Variants in MBOAT2 observed in about 807,000 individuals in gnomAD.
MBOAT2 encodes membrane-bound glycerophospholipid O-acyltransferase 2.
In MBOAT2, 28 loss-of-function variants were observed where a neutral mutation model predicts 63.4. The ratio of observed to expected loss-of-function variants is 0.44; its 90% confidence interval spans 0.33 to 0.61. The LOEUF (loss-of-function observed/expected upper bound fraction) is 0.61, where lower values mean the gene tolerates loss of function less well. MBOAT2 is among the 20% of genes least tolerant of loss of function. The pLI is 0.03. For missense variants in MBOAT2, 470 were observed against 605.8 expected (o/e 0.78, Z 2.35); for synonymous variants, 211 against 215.6 (o/e 0.98, Z 0.19).
At chr2:8,886,522 T>C (rs1328429407) in intron 5 of MBOAT2, among the ~76,000 whole-genome samples, 1 of 152,182 alleles carries the variant, frequency 6.6e-6, no homozygotes, top group East Asian at 1.9e-4. Flanking sequence ...TGGTATGGGA[T>C]GTGGCAGGCC....
chr2:8,872,661 C>T (rs1466723098), intron 8 of MBOAT2, among the ~76,000 whole-genome samples: 3 of 152,184 alleles, frequency 2.0e-5, no homozygotes, highest in African/African-American at 7.2e-5. Flanking sequence ...TGATGACCCC[C>T]TATCAATGTG....
intron 4 of MBOAT2, among the ~76,000 whole-genome samples, chr2:8,899,445 G>A (rs1051047361): frequency 5.9e-5 from 9 of 152,168 alleles, no homozygotes; most frequent in African/African-American, 1.7e-4. Flanking sequence ...AGAAGGCCGC[G>A]CCAGTGTCCA....
intron 3 of MBOAT2, among the ~76,000 whole-genome samples, chr2:8,925,958 A>G (rs1666900761): frequency 6.6e-6 from 1 of 152,190 alleles, no homozygotes; most frequent in South Asian, 2.1e-4. Flanking sequence ...CAATCTTACG[A>G]AGTAAGTGTT....
At chr2:8,931,479 G>A (rs906393111) in intron 3 of MBOAT2, among the ~76,000 whole-genome samples, 17 of 152,054 alleles carry the variant, frequency 1.1e-4, no homozygotes, top group Admixed American at 2.0e-4. Context: ...TGTAGATTCC[G>A]GATATTACAC....
intron 2 of MBOAT2, among the ~76,000 whole-genome samples, chr2:8,958,289 A>C (rs956429533): frequency 3.3e-5 from 5 of 152,182 alleles, no homozygotes; most frequent in Non-Finnish European, 7.3e-5. Flanking sequence ...ATAAATAGTA[A>C]ATTTTCCTCT....
chr2:8,958,496 CCA>C lies in MBOAT2; in HGVS notation c.220_221del (p.Trp74ValfsTer48). 6.3e-7 allele frequency: 1 copy of C among 1,585,048 alleles called. No individual in the cohort carries two copies. Among genetic ancestry groups the C allele is most frequent in the East Asian group, 2.2e-5 (1 of 44,542 alleles). On this transcript the variant is annotated frameshift_variant and splice_region_variant, in exon 2 of 13. Coordinates refer to ENST00000305997, the MANE Select transcript of MBOAT2 (RefSeq NM_138799.4). LOFTEE classifies it high-confidence loss of function. ...GLYLALFCFG[W>X]YALHFLVQSG... ...TTAAAAGGATCAAAATAATTACTTA[CCA>C]TCCAAAGCAAAAAAGTGCAAGATAA...
At chr2:8,961,662 G>T (rs977066510) in intron 1 of MBOAT2, among the ~76,000 whole-genome samples, 1 of 151,950 alleles carries the variant, frequency 6.6e-6, no homozygotes, top group East Asian at 1.9e-4. Flanking sequence ...TGTAACTGGG[G>T]TAACTGGTTT....
chr2:8,860,826 ACTGGTGATATC>A (rs1661441573), intron 11 of MBOAT2, 62 bp from the exon 12 acceptor site: 3 of 1,281,656 alleles, frequency 2.3e-6, no homozygotes, highest in Non-Finnish European at 3.3e-6. Context: ...ATGCAGTTAC[ACTGGTGATATC>A]AACTGTTGGA....
rs757808251 is a variant in MBOAT2 at position 8,873,277 on chromosome 2, T to A, written c.714A>T (p.Leu238Phe). The A allele has an allele frequency of 6.2e-6, 10 of 1,613,678 alleles. No individual in the cohort carries two copies. Among genetic ancestry groups the A allele is most frequent in the Admixed American group, 3.3e-5 (2 of 59,946 alleles). Reference sequence around the variant, plus strand: ...GAAATAACAAGGACAGCCCACAAACTAAGAGCTTCTGAACAACCGCAGTCT... The same window carrying A: ...GAAATAACAAGGACAGCCCACAAACAAAGAGCTTCTGAACAACCGCAGTCT... ...SPNTAVVQKL[L>F]VCGLSLLFHL... The change falls in exon 8 of 13, where the codon TTA becomes TTT. Residue 238 changes from leucine (L) to phenylalanine (F), a missense_variant. Physicochemically the swap from Leu to Phe is conservative, Grantham distance 22. Around this residue, in one of 3 missense-constraint regions of MBOAT2, gnomAD observed 376 missense variants for 503.8 expected, o/e 0.75. Transcript: ENST00000305997.
intron 3 of MBOAT2, among the ~76,000 whole-genome samples, chr2:8,939,310 C>G (rs1238740720): frequency 1.3e-5 from 2 of 152,208 alleles, no homozygotes; most frequent in African/African-American, 4.8e-5. Flanking sequence ...CAGCTGAACC[C>G]GATGGAGGTC....
chr2:8,862,734 G>A lies in MBOAT2; in HGVS notation c.1053-12C>T. ...GTTCATAACACACCCTAGAAACCAT[G>A]AAAAACATGGAGAGCCAAGTGGAGT... On this transcript the variant is annotated splice_polypyrimidine_tract_variant and intron_variant, in intron 10 of 12. Transcript: ENST00000305997. This position sits in a 1 kb window ranked among gnomAD's most constrained non-coding sequence, Gnocchi z 4.3. The A allele has an allele frequency of 2.5e-6, 4 of 1,602,036 alleles. No homozygotes were observed. Among genetic ancestry groups the A allele is most frequent in the Non-Finnish European group, 3.4e-6 (4 of 1,176,308 alleles).
chr2:8,962,745 T>G (rs1669701786), intron 1 of MBOAT2, among the ~76,000 whole-genome samples: 1 of 151,786 alleles, frequency 6.6e-6, no homozygotes, highest in Admixed American at 6.6e-5. Flanking sequence ...AATAATTTAA[T>G]ATAAATTTTA....
chr2:8,927,623 C>T (rs906645223), intron 3 of MBOAT2, among the ~76,000 whole-genome samples: 1 of 152,020 alleles, frequency 6.6e-6, no homozygotes, highest in Non-Finnish European at 1.5e-5. Context: ...GCCGATGAGG[C>T]AAGGGAGATA....
intron 2 of MBOAT2, among the ~76,000 whole-genome samples, chr2:8,944,465 A>G (rs1269724699): frequency 1.3e-5 from 2 of 152,242 alleles, no homozygotes; most frequent in African/African-American, 4.8e-5. Flanking sequence ...GTGTTAACCT[A>G]TGATTCAAAT....
Position 8,994,332 on chromosome 2 carries a change from G to A in MBOAT2, c.75+9208C>T, listed in dbSNP as rs573691498. ...TGTTCGGAGGGCCCTAACCAACAGGGCAGCCCAGGCATTCTCTCGCAGCAC... is the reference window on the plus strand; with the variant it reads ...TGTTCGGAGGGCCCTAACCAACAGGACAGCCCAGGCATTCTCTCGCAGCAC... On this transcript the variant is annotated intron_variant, in intron 1 of 12. Coordinates refer to ENST00000305997, the MANE Select transcript of MBOAT2 (RefSeq NM_138799.4). Among the ~76,000 whole-genome samples the A allele has an allele frequency of 2.0e-5, 3 of 152,336 alleles. No individual in the cohort carries two copies. The South Asian group carries it at 6.2e-4, about 32-fold the overall frequency.
At chr2:8,909,485 T>G (rs6740823) in intron 3 of MBOAT2, among the ~76,000 whole-genome samples, 15,676 of 152,186 alleles carry the variant, frequency 0.1, 950 homozygotes, top group African/African-American at 0.17. Flanking sequence ...CAACAAATAG[T>G]AACTGTGACT....
chr2:8,898,276 C>T (rs1267442718), intron 4 of MBOAT2, among the ~76,000 whole-genome samples: 6 of 152,148 alleles, frequency 3.9e-5, no homozygotes, highest in Non-Finnish European at 8.8e-5. Context: ...TGAGTATTTG[C>T]CCTGGGTCTC....
At chr2:8,919,369 C>A (rs1185485569) in intron 3 of MBOAT2, among the ~76,000 whole-genome samples, 2 of 152,158 alleles carry the variant, frequency 1.3e-5, no homozygotes, top group Non-Finnish European at 2.9e-5. Flanking sequence ...TTCTTCATAT[C>A]CTCACTAATG....
intron 4 of MBOAT2, among the ~76,000 whole-genome samples, chr2:8,898,503 C>T (rs1040812961): frequency 2.0e-5 from 3 of 152,228 alleles, no homozygotes; most frequent in Non-Finnish European, 4.4e-5. Context: ...GCTGGGCCTT[C>T]GACCTAGACA....
Sources: allele counts gnomAD v4.1 joint callset (sites outside exome capture counted in the v4.1 genomes callset), GRCh38; gene constraint gnomAD v4.1.1; regional missense constraint gnomAD v4.1.1; non-coding constraint Gnocchi (gnomAD v3.1); transcripts MANE v1.5; gene names NCBI Gene and HGNC (gene_info 2026-07-23, HGNC 2026-07-21).